Variants in RDX observed in about 807,000 individuals in gnomAD.
RDX encodes deafness, autosomal recessive 24.
In RDX, 32 loss-of-function variants were observed where a neutral mutation model predicts 83.7. That is an observed-to-expected ratio of 0.38 (90% confidence interval 0.29 to 0.51). RDX has a LOEUF of 0.51. RDX is among the 20% of genes least tolerant of loss of function. The pLI is 0.87. For missense variants in RDX, 600 were observed against 689.9 expected (o/e 0.87, Z 1.46); for synonymous variants, 229 against 222.7 (o/e 1.03, Z -0.25).
At chr11:110,180,481 T>C (rs1862865011) in intron 15 of RDX, among the ~76,000 whole-genome samples, 1 of 152,114 alleles carries the variant, frequency 6.6e-6, no homozygotes, top group Non-Finnish European at 1.5e-5. Flanking sequence ...ACGGCAGGTC[T>C]CACCCTACCT....
At chr11:110,192,751 CAT>C (rs1235987797) in intron 15 of RDX, among the ~76,000 whole-genome samples, 1 of 151,870 alleles carries the variant, frequency 6.6e-6, no homozygotes, top group Non-Finnish European at 1.5e-5. Flanking sequence ...CAACGACAAA[CAT>C]ATGAAAAAAT....
chr11:110,277,833 G>C (rs190181948), intron 2 of RDX, among the ~76,000 whole-genome samples: 1 of 152,088 alleles, frequency 6.6e-6, no homozygotes, highest in Admixed American at 6.6e-5. Flanking sequence ...TTTCTTAATG[G>C]TTCAAATTTT....
At position 110,232,699 on chromosome 11, in the gene RDX, C is replaced by T. The variant is rs142324169; in HGVS notation, c.1587+538G>A. ...GCAGTGGCATGATCTCGGCTCACTG[C>T]AACCTCCACCTCCCAGGTTCAAGCA... On this transcript the variant is annotated intron_variant, in intron 13 of 13. Coordinates refer to ENST00000645495, the MANE Select transcript of RDX (RefSeq NM_002906.4). 5.1e-3 allele frequency among the ~76,000 whole-genome samples: 770 copies of T among 152,268 alleles called. 11 individuals are homozygous for T. Among genetic ancestry groups the T allele is most frequent in the African/African-American group, 0.018 (737 of 41,560 alleles).
Position 110,237,598 on chromosome 11 carries a change from G to C in RDX, c.1145C>G (p.Ala382Gly). The C allele has an allele frequency of 6.2e-7, 1 of 1,613,960 alleles. No homozygotes were observed. Among genetic ancestry groups the C allele is most frequent in the Non-Finnish European group, 8.5e-7 (1 of 1,179,970 alleles). Reference protein sequence around the residue: ...ALELDQERKRAKEEAERLEKE... With the variant: ...ALELDQERKRGKEEAERLEKE... ...TTCAAGTCGTTCTGCTTCTTCTTTT[G>C]CTCGTTTTCGTTCTTGATCCAGTTC... Residue 382 changes from alanine to glycine, a missense_variant, in exon 11 of 14, where the codon GCA (alanine) becomes GGA (glycine). Coordinates refer to ENST00000645495, the MANE Select transcript of RDX (RefSeq NM_002906.4).
chr11:110,249,111 G>C (rs371336528), intron 9 of RDX, among the ~76,000 whole-genome samples: 2 of 152,136 alleles, frequency 1.3e-5, no homozygotes, highest in Non-Finnish European at 2.9e-5. Context: ...AAAATATAAA[G>C]AGGAATAAAA....
At chr11:110,283,494 T>C (rs960295574) in intron 1 of RDX, among the ~76,000 whole-genome samples, 6 of 152,180 alleles carry the variant, frequency 3.9e-5, no homozygotes, top group African/African-American at 1.4e-4. Context: ...AGAATTATTC[T>C]AAATAAGTAA....
intron 7 of RDX, among the ~76,000 whole-genome samples, chr11:110,255,632 T>C (rs576809469): frequency 1.3e-5 from 2 of 152,312 alleles, no homozygotes; most frequent in South Asian, 4.1e-4. Flanking sequence ...TTCCTAAAAT[T>C]ATCTAAAAAA....
chr11:110,276,608 C>A (rs1207993138), intron 2 of RDX, among the ~76,000 whole-genome samples: 1 of 152,158 alleles, frequency 6.6e-6, no homozygotes, highest in African/African-American at 2.4e-5. Context: ...AGACTCTATA[C>A]ATGACTATGG....
intron 1 of RDX, among the ~76,000 whole-genome samples, chr11:110,293,459 T>C (rs185481897): frequency 6.6e-6 from 1 of 152,262 alleles, no homozygotes. Flanking sequence ...AAAGGCAGGA[T>C]TTCTCTAAAA....
At position 110,214,751 on chromosome 11, in the gene RDX, A is replaced by G. The variant is rs1863968655; in HGVS notation, c.1749-15073T>C. On this transcript the variant is annotated intron_variant, in intron 14 of 15. Coordinates refer to the RDX transcript ENST00000528498. ...TAAACTATCGCAAGAACAAAAAACC[A>G]AACACCACATATTCTCACTCATAGG... Among the ~76,000 whole-genome samples the G allele has an allele frequency of 3.3e-5, 3 of 90,154 alleles. 1 individual carries two copies. Among genetic ancestry groups the G allele is most frequent in the Non-Finnish European group, 7.0e-5 (3 of 43,116 alleles). The allele number at this position is 90,154 out of a possible 152,430, so 59.1% of individuals were successfully genotyped here. A position where few individuals can be genotyped will look rare whatever the true frequency, so the allele number is the denominator to read the frequency against.
intron 14 of RDX, among the ~76,000 whole-genome samples, chr11:110,218,129 G>C (rs1258005841): frequency 6.6e-6 from 1 of 152,176 alleles, no homozygotes; most frequent in Non-Finnish European, 1.5e-5. Flanking sequence ...TATGGAGTGG[G>C]GCTCATGCCA....
At chr11:110,272,500 G>GGT (rs1860345795) in intron 3 of RDX, 36 bp downstream of exon 3, 2 of 1,270,994 alleles carry the variant, frequency 1.6e-6, no homozygotes, top group East Asian at 4.7e-5. Flanking sequence ...TTCACACTAT[G>GGT]GTGTCAAAAG....
intron 3 of RDX, among the ~76,000 whole-genome samples, chr11:110,265,615 GTC>G (rs1338742036): frequency 6.6e-6 from 1 of 152,044 alleles, no homozygotes; most frequent in Non-Finnish European, 1.5e-5. Flanking sequence ...GATAAGAAAA[GTC>G]TGATATATTC....
At position 110,257,862 on chromosome 11, in the gene RDX, A is replaced by T; in HGVS notation, c.603T>A (p.Tyr201Ter). Residue 201 changes from tyrosine (Y) to a stop codon, truncating the protein, a stop_gained, in exon 7 of 14, where the codon TAT (tyrosine) becomes TAA (stop). Coordinates refer to ENST00000645495, the MANE Select transcript of RDX (RefSeq NM_002906.4). LOFTEE classifies it high-confidence loss of function. ...YLKIAQDLEM[Y>*]GVNYFEIKNK... ...TTTTTATTTCAAAATAGTTGACTCC[A>T]TACATTTCTAGATCTTGTGCAATCT... The T allele has an allele frequency of 6.2e-7, 1 of 1,612,444 alleles. No homozygotes were observed. Among genetic ancestry groups the T allele is most frequent in the Non-Finnish European group, 8.5e-7 (1 of 1,178,758 alleles).
In RDX at chr11:110,181,375, G is replaced by T. The variant is rs927223763; in HGVS notation, c.*32-6141C>A. On this transcript the variant is annotated intron_variant, in intron 15 of 15. Coordinates refer to the RDX transcript ENST00000528498. ...GACGGGGTTTCATCATGTTGGCCAG[G>T]CTGGTCTTGATCTCCTGACCTCATG... 3.9e-5 allele frequency among the ~76,000 whole-genome samples: 6 copies of T among 152,158 alleles called. No individual in the cohort carries two copies. In the East Asian group the frequency reaches 1.2e-3, roughly 29 times the overall value.
At chr11:110,280,217 T>A (rs2134423811) in intron 1 of RDX, among the ~76,000 whole-genome samples, 1 of 152,146 alleles carries the variant, frequency 6.6e-6, no homozygotes, top group South Asian at 2.1e-4. Context: ...ATTAATGTAA[T>A]CTACAAAAAA....
intron 12 of RDX, among the ~76,000 whole-genome samples, chr11:110,234,386 C>G (rs1864757277): frequency 6.6e-6 from 1 of 152,290 alleles, no homozygotes; most frequent in South Asian, 2.1e-4. Flanking sequence ...GAACACTTGT[C>G]TGGCAAATTA....
intron 15 of RDX, chr11:110,195,660 T>C (rs1456323598): frequency 1.3e-5 from 2 of 152,248 alleles, no homozygotes; most frequent in Admixed American, 6.5e-5. Flanking sequence ...TCCACCAACA[T>C]GTGCACAGAA....
At chr11:110,206,155 G>T (rs577152155) in intron 14 of RDX, among the ~76,000 whole-genome samples, 21 of 151,132 alleles carry the variant, frequency 1.4e-4, no homozygotes, top group Non-Finnish European at 2.7e-4. Flanking sequence ...TGCTTGGGAG[G>T]CTGCAGCAGG....
Sources: allele counts gnomAD v4.1 joint callset (sites outside exome capture counted in the v4.1 genomes callset), GRCh38; gene constraint gnomAD v4.1.1; transcripts MANE v1.5; gene names NCBI Gene and HGNC (gene_info 2026-07-23, HGNC 2026-07-21).